Variants in ZNF786 observed in about 807,000 individuals in gnomAD.
ZNF786 encodes the protein zinc finger protein 786.
Under a neutral mutation model 63.1 loss-of-function variants are expected in ZNF786, and 56 were observed. The ratio of observed to expected loss-of-function variants is 0.89; its 90% confidence interval spans 0.72 to 1.11. ZNF786 has a LOEUF of 1.11. Among genes scored for constraint, ZNF786 ranks in the 50% least tolerant of loss-of-function variants. ZNF786 has a pLI of 0.00. For synonymous variants in ZNF786, 485 were observed against 406.9 expected (o/e 1.19, Z -2.31); for missense variants, 1,213 against 1,041.8 (o/e 1.16, Z -2.26).
chr7:149,083,437 G>A (rs1239407490), intron 1 of ZNF786, among the ~76,000 whole-genome samples: 3 of 151,796 alleles, frequency 2.0e-5, no homozygotes, highest in Admixed American at 1.3e-4. Context: ...GGCTGGTCTC[G>A]AACTTCTGAC....
chr7:149,073,951 C>T (rs1475750761), intron 3 of ZNF786, among the ~76,000 whole-genome samples: 4 of 150,534 alleles, frequency 2.7e-5, no homozygotes, highest in African/African-American at 9.8e-5. Flanking sequence ...CCACCATGCC[C>T]GGCTAATTTT....
At chr7:149,090,601 C>G in intron 1 of ZNF786, 22 bp downstream of exon 1, 2 of 1,570,502 alleles carry the variant, frequency 1.3e-6, no homozygotes, top group Non-Finnish European at 1.7e-6. Context: ...AACCGGGCGT[C>G]CAAACAGGCT....
chr7:149,084,584 C>A (rs987678040), intron 1 of ZNF786, among the ~76,000 whole-genome samples: 2 of 152,086 alleles, frequency 1.3e-5, no homozygotes, highest in Non-Finnish European at 2.9e-5. Context: ...GCTTGTTGGC[C>A]ATGTATATGT....
chr7:149,080,632 T>G lies in ZNF786; in HGVS notation c.104A>C (p.Lys35Thr), dbSNP rs1318867678. ...DLEAWQKELYKHVMRSNYETL... is the reference protein window; with the variant it reads ...DLEAWQKELYTHVMRSNYETL... ...CTCATAATTGCTTCTCATCACATGC[T>G]TGTAAAGTTCCTTCTGCCATGCCTC... The change falls in exon 2 of 4, where the codon AAG becomes ACG. Residue 35 changes from lysine to threonine, a missense_variant. Physicochemically the swap from Lys to Thr is moderately conservative, Grantham distance 78. Coordinates refer to ENST00000491431, the MANE Select transcript of ZNF786 (RefSeq NM_152411.4). 6.2e-7 allele frequency: 1 copy of G among 1,612,986 alleles called. No individual in the cohort carries two copies. The highest frequency in any genetic ancestry group is 1.1e-5 in the South Asian group (1 of 90,868).
Position 149,071,096 on chromosome 7 carries a change from T to A in ZNF786, c.1676A>T (p.His559Leu). The change falls in exon 4 of 4, where the codon CAC becomes CTC. Residue 559 changes from histidine (H) to leucine (L), a missense_variant. By Grantham distance (99) the His-to-Leu change is moderately conservative (BLOSUM62 -3). Coordinates refer to ENST00000491431, the MANE Select transcript of ZNF786 (RefSeq NM_152411.4). The stretch of plus-strand genomic sequence containing the variant: ...GCACGAGAACGGCCTCTCCTTGCTG[T>A]GCGTGTGCTGGTGGGCCTTCAGGAT... ...KGILKAHQHT[H>L]SKERPFSCGE... 6.2e-7 allele frequency: 1 copy of A among 1,611,902 alleles called. No homozygotes were observed. Among genetic ancestry groups the A allele is most frequent in the Non-Finnish European group, 8.5e-7 (1 of 1,179,334 alleles).
chr7:149,090,334 C>T (rs1162532224), intron 1 of ZNF786, among the ~76,000 whole-genome samples: 1 of 151,732 alleles, frequency 6.6e-6, no homozygotes, highest in Non-Finnish European at 1.5e-5. Flanking sequence ...TTCCACCGTC[C>T]GCTCCCCGTC....
At chr7:149,075,356 C>T (rs1825525018) in intron 2 of ZNF786, among the ~76,000 whole-genome samples, 1 of 152,014 alleles carries the variant, frequency 6.6e-6, no homozygotes, top group Non-Finnish European at 1.5e-5. Flanking sequence ...GATCTGCCCA[C>T]CTCAGCCTCC....
intron 1 of ZNF786, among the ~76,000 whole-genome samples, chr7:149,084,939 T>A (rs1825711824): frequency 6.6e-6 from 1 of 152,210 alleles, no homozygotes; most frequent in Non-Finnish European, 1.5e-5. Context: ...TACATTTAAG[T>A]CTTTAATCCA....
rs776709318 is a variant in ZNF786 at position 149,071,007 on chromosome 7, C to T, written c.1765G>A (p.Gly589Arg). 9 of 1,612,908 alleles carry T rather than the reference C, an allele frequency of 5.6e-6. No homozygotes were observed. Among genetic ancestry groups the T allele is most frequent in the African/African-American group, 1.3e-5 (1 of 74,936 alleles). ...KLTEHLRVHSGERPFQCPECN... is the reference protein window; with the variant it reads ...KLTEHLRVHSRERPFQCPECN... The stretch of plus-strand genomic sequence containing the variant: ...TCTGGGCACTGGAAGGGTCTCTCCC[C>T]GCTGTGCACGCGCAAGTGCTCCGTG... Residue 589 changes from glycine to arginine, a missense_variant, in exon 4 of 4, where the codon GGG (glycine) becomes AGG (arginine). Transcript: ENST00000491431.
At chr7:149,080,475 C>A in intron 2 of ZNF786, 116 bp downstream of exon 2, 2 of 1,052,642 alleles carry the variant, frequency 1.9e-6, no homozygotes, top group Non-Finnish European at 1.3e-6. Flanking sequence ...GTAAAAATAC[C>A]CTTCTGAGTT....
chr7:149,079,999 C>G (rs1585467313), intron 2 of ZNF786, among the ~76,000 whole-genome samples: 1 of 151,620 alleles, frequency 6.6e-6, no homozygotes, highest in Non-Finnish European at 1.5e-5. Context: ...TGGTGAAACC[C>G]TGTCTCTACT....
chr7:149,080,660 G>C lies in ZNF786; in HGVS notation c.76C>G (p.Leu26Val). 6.2e-7 allele frequency: 1 copy of C among 1,611,732 alleles called. No homozygotes were observed. The highest frequency in any genetic ancestry group is 2.2e-5 in the East Asian group (1 of 44,876). Residue 26 changes from leucine (L) to valine (V), a missense_variant, in exon 2 of 4, where the codon CTA becomes GTA. Coordinates refer to ENST00000491431, the MANE Select transcript of ZNF786 (RefSeq NM_152411.4). ...TAAAGTTCCTTCTGCCATGCCTCTA[G>C]ATCCTGCCATTCTTGCTCGGAGAAA... ...IYFSEQEWQD[L>V]EAWQKELYKH...
chr7:149,074,561 G>C, intron 2 of ZNF786, 23 bp from the exon 3 acceptor site: 3 of 1,598,388 alleles, frequency 1.9e-6, no homozygotes, highest in Non-Finnish European at 2.6e-6. Flanking sequence ...GTCAGACAGG[G>C]TAGTTTGGCT....
At chr7:149,090,398 C>G (rs1475454013) in intron 1 of ZNF786, among the ~76,000 whole-genome samples, 1 of 152,202 alleles carries the variant, frequency 6.6e-6, no homozygotes, top group Non-Finnish European at 1.5e-5. Context: ...CCTCGGTCCA[C>G]GCTCGGCTTT....
At chr7:149,082,217 G>C (rs763597293) in intron 1 of ZNF786, among the ~76,000 whole-genome samples, 5 of 152,100 alleles carry the variant, frequency 3.3e-5, no homozygotes, top group Admixed American at 6.6e-5. Context: ...TTGCCCCTTC[G>C]CTGTCTCTCC....
At chr7:149,090,228 T>C (rs1196396088) in intron 1 of ZNF786, among the ~76,000 whole-genome samples, 5 of 152,220 alleles carry the variant, frequency 3.3e-5, no homozygotes, top group Middle Eastern at 3.2e-3. Flanking sequence ...ATTCGGAATC[T>C]TAAACTTTTT....
Position 149,071,334 on chromosome 7 carries a change from G to T in ZNF786, c.1438C>A (p.Pro480Thr). The change falls in exon 4 of 4, where the codon CCC becomes ACC. Residue 480 changes from proline to threonine, a missense_variant. Coordinates refer to ENST00000491431, the MANE Select transcript of ZNF786 (RefSeq NM_152411.4). ...AGCCCACACTCTGGGCACTGAAAGG[G>T]CTTCTCGTCCGTGTGCAGCCGCTGG... ...RHQRLHTDEK[P>T]FQCPECGLSF... The T allele has an allele frequency of 1.2e-6, 2 of 1,613,388 alleles. No individual in the cohort carries two copies. The highest frequency in any genetic ancestry group is 1.7e-6 in the Non-Finnish European group (2 of 1,179,824).
chr7:149,085,401 T>G (rs1270539989), intron 1 of ZNF786, among the ~76,000 whole-genome samples: 2 of 152,198 alleles, frequency 1.3e-5, no homozygotes, highest in Non-Finnish European at 2.9e-5. Flanking sequence ...AAACCCCATC[T>G]CTACCAAAAC....
At chr7:149,089,049 C>A (rs1825785952) in intron 1 of ZNF786, among the ~76,000 whole-genome samples, 1 of 151,100 alleles carries the variant, frequency 6.6e-6, no homozygotes, top group African/African-American at 2.4e-5. Flanking sequence ...CTCCGCCTCC[C>A]GGGTTCTCCC....
Sources: allele counts gnomAD v4.1 joint callset (sites outside exome capture counted in the v4.1 genomes callset), GRCh38; gene constraint gnomAD v4.1.1; transcripts MANE v1.5; gene names NCBI Gene and HGNC (gene_info 2026-07-23, HGNC 2026-07-21).